Variants in UGT2B17 observed in about 807,000 individuals in gnomAD.
UGT2B17 encodes UDP glucuronosyltransferase family 2 member B17, also known as UDP-glucuronosyltransferase 2B17.
Under a neutral mutation model 48.2 loss-of-function variants are expected in UGT2B17, and 21 were observed. The observed-to-expected ratio is 0.44, with a 90% CI of 0.31 to 0.63. The LOEUF (loss-of-function observed/expected upper bound fraction) is 0.63, where lower values mean the gene tolerates loss of function less well. Among genes scored for constraint, UGT2B17 ranks in the 20% least tolerant of loss-of-function variants. The pLI is 0.08. For missense variants in UGT2B17, 402 were observed against 696.1 expected (o/e 0.58, Z 4.75); for synonymous variants, 146 against 238.4 (o/e 0.61, Z 3.57).
chr4:68,575,488 A>T (rs1424753511), intron 1 of UGT2B17, among the ~76,000 whole-genome samples: 2 of 124,946 alleles, frequency 1.6e-5, no homozygotes, highest in Non-Finnish European at 3.4e-5. Flanking sequence ...TCTCTATTAA[A>T]TCCTTTCTTG....
rs757587411 is a variant in UGT2B17 at position 68,567,906 on chromosome 4, G to A, written c.579C>T (p.Ser193=). The change falls in exon 2 of 7, where the codon TCC becomes TCT. Residue 193 remains serine, a synonymous_variant. Coordinates refer to ENST00000317746, the MANE Select transcript of UGT2B17 (RefSeq NM_001077.4). Reference sequence around the variant, plus strand: ...ATTCTGACATAACAACAGGTACATAGGAAGGAGGGAACAGAAATCCTCCAC... The same window carrying A: ...ATTCTGACATAACAACAGGTACATAAGAAGGAGGGAACAGAAATCCTCCAC... ...KNGGGFLFPP[S]YVPVVMSELS... is the part of the protein sequence containing the mutation. 3 of 1,379,766 alleles carry A rather than the reference G, an allele frequency of 2.2e-6. 1 individual carries two copies. The highest frequency in any genetic ancestry group is 1.6e-5 in the South Asian group (1 of 61,924). The allele number at this position is 1,379,766 out of a possible 1,614,324, so 85.5% of individuals were successfully genotyped here. A position where few individuals can be genotyped will look rare whatever the true frequency, so the allele number is the denominator to read the frequency against.
chr4:68,575,605 G>T (rs1405241785), intron 1 of UGT2B17, among the ~76,000 whole-genome samples: 1 of 125,392 alleles, frequency 8.0e-6, no homozygotes, highest in Non-Finnish European at 1.7e-5. Context: ...ACAAAACAAA[G>T]AACGGGTAAA....
rs1357115657 is a variant in UGT2B17, at chr4:68,558,038, A to G, written c.1005+2499T>C. ...CTTGCCTCAGCTTTAAAAAAGTCCT[A>G]TCTGAGATTCTTTCTATAAGACAAA... On this transcript the variant is annotated intron_variant, in intron 4 of 6. Transcript: ENST00000317746. 1.6e-5 allele frequency among the ~76,000 whole-genome samples: 2 copies of G among 124,388 alleles called. 1 individual carries two copies. The highest frequency in any genetic ancestry group is 3.4e-5 in the Non-Finnish European group (2 of 58,840). The allele number at this position is 124,388 out of a possible 152,430, so 81.6% of individuals were successfully genotyped here.
At chr4:68,553,214 T>G (rs1730946764) in intron 4 of UGT2B17, among the ~76,000 whole-genome samples, 1 of 125,988 alleles carries the variant, frequency 7.9e-6, no homozygotes, top group South Asian at 3.7e-4. Context: ...AATTCCAAAT[T>G]GTGGGTAACA....
At chr4:68,566,139 T>A (rs1416961200) in intron 2 of UGT2B17, among the ~76,000 whole-genome samples, 2 of 118,880 alleles carry the variant, frequency 1.7e-5, no homozygotes, top group Non-Finnish European at 3.4e-5. Flanking sequence ...TAATATTTAA[T>A]AGTTTTAATT....
In UGT2B17 at chr4:68,538,615, ATCTTCTG is replaced by A. The variant is rs1730599376; in HGVS notation, c.1314-718_1314-712del. ...AACTAGTTTCTCAGCTTCTACTCTA[ATCTTCTG>A]TCTTCTACCGTATTTTCCTACTAGT... is the stretch of plus-strand genomic sequence containing the variant. On this transcript the variant is annotated intron_variant, in intron 6 of 6. Transcript: ENST00000317746. 1.6e-5 allele frequency among the ~76,000 whole-genome samples: 2 copies of A among 125,922 alleles called. 1 individual carries two copies. The highest frequency in any genetic ancestry group is 3.4e-5 in the Non-Finnish European group (2 of 59,492). 82.6% of individuals were successfully genotyped at this position (125,922 alleles called of 152,430 possible). A position where few individuals can be genotyped will look rare whatever the true frequency, so the allele number is the denominator to read the frequency against.
intron 6 of UGT2B17, among the ~76,000 whole-genome samples, chr4:68,550,413 T>A (rs1337206387): frequency 8.0e-6 from 1 of 125,734 alleles, no homozygotes; most frequent in Non-Finnish European, 1.7e-5. Flanking sequence ...TATTCTATCA[T>A]TAAAAATATT....
chr4:68,559,110 C>T (rs185211160), intron 4 of UGT2B17, among the ~76,000 whole-genome samples: 1,564 of 124,850 alleles, frequency 0.013, 309 homozygotes, highest in African/African-American at 0.04. Flanking sequence ...CTGTAACCTT[C>T]CAAATTTAAT....
At position 68,553,380 on chromosome 4, in the gene UGT2B17, T is replaced by C. The variant is rs146476700; in HGVS notation, c.1006-1469A>G. ...TTCCTCCACCCTATACCTCCTTTTG[T>C]CTTTTGCCATTTGTAGTACCAAAAA... On this transcript the variant is annotated intron_variant, in intron 4 of 6. Transcript: ENST00000317746. 5.9e-3 allele frequency among the ~76,000 whole-genome samples: 745 copies of C among 126,264 alleles called. 141 individuals carry two copies. The highest frequency in any genetic ancestry group is 0.02 in the African/African-American group (714 of 36,520). 82.8% of individuals were successfully genotyped at this position (126,264 alleles called of 152,430 possible).
intron 3 of UGT2B17, 145 bp downstream of exon 3, chr4:68,565,427 T>C (rs187211515): frequency 0.018 from 13,213 of 740,954 alleles, 1,718 homozygotes; most frequent in South Asian, 0.024. Flanking sequence ...TGTGATAGTA[T>C]AGAAATATAT....
At position 68,554,213 on chromosome 4, in the gene UGT2B17, C is replaced by A. The variant is rs1266114456; in HGVS notation, c.1006-2302G>T. 4.0e-5 allele frequency among the ~76,000 whole-genome samples: 5 copies of A among 123,800 alleles called. 2 individuals are homozygous for A. Among genetic ancestry groups the A allele is most frequent in the Non-Finnish European group, 8.5e-5 (5 of 58,770 alleles). 81.2% of individuals were successfully genotyped at this position (123,800 alleles called of 152,430 possible). A position where few individuals can be genotyped will look rare whatever the true frequency, so the allele number is the denominator to read the frequency against. On this transcript the variant is annotated intron_variant, in intron 4 of 6. Transcript: ENST00000317746. ...TGATTCACCACACATAAACCCTAGG[C>A]CACAGCTCAGTTCCTCCTTTTAGGA...
chr4:68,538,184 T>A (rs1450286132), intron 6 of UGT2B17, among the ~76,000 whole-genome samples: 1 of 125,666 alleles, frequency 8.0e-6, no homozygotes, highest in East Asian at 7.5e-4. Flanking sequence ...CCATTCTAAG[T>A]GCTATAAGTA....
Position 68,565,568 on chromosome 4 carries a change from T to A in UGT2B17, c.873+4A>T, listed in dbSNP as rs1205949878. ...GCAAACAAATGAAACAAGAATATGTTCACCTTAGGCAAGGGTTTGGCTGGT... is the reference window on the plus strand; with the variant it reads ...GCAAACAAATGAAACAAGAATATGTACACCTTAGGCAAGGGTTTGGCTGGT... On this transcript the variant is annotated splice_donor_region_variant and intron_variant, in intron 3 of 6. Coordinates refer to ENST00000317746, the MANE Select transcript of UGT2B17 (RefSeq NM_001077.4). 1.2e-5 allele frequency: 17 copies of A among 1,365,316 alleles called. 3 individuals carry two copies. The highest frequency in any genetic ancestry group is 1.6e-5 in the Non-Finnish European group (17 of 1,048,402). The allele number at this position is 1,365,316 out of a possible 1,614,324, so 84.6% of individuals were successfully genotyped here. A position where few individuals can be genotyped will look rare whatever the true frequency, so the allele number is the denominator to read the frequency against.
intron 3 of UGT2B17, among the ~76,000 whole-genome samples, chr4:68,564,950 G>T (rs758993987): frequency 8.0e-6 from 1 of 125,038 alleles, no homozygotes; most frequent in Non-Finnish European, 1.7e-5. Flanking sequence ...CCAAGCAATC[G>T]TCCCTTCTCT....
Position 68,539,118 on chromosome 4 carries a change from G to A in UGT2B17, c.1314-1214C>T, listed in dbSNP as rs1466225633. ...AAAAGTTTAAGTATGAAATACATAGGATAAATGTATATACGCTATGTGACT... is the reference window on the plus strand; with the variant it reads ...AAAAGTTTAAGTATGAAATACATAGAATAAATGTATATACGCTATGTGACT... On this transcript the variant is annotated intron_variant, in intron 6 of 6. Transcript: ENST00000317746. Among the ~76,000 whole-genome samples the A allele has an allele frequency of 4.8e-5, 6 of 125,414 alleles. 1 individual carries two copies. Among genetic ancestry groups the A allele is most frequent in the Non-Finnish European group, 8.4e-5 (5 of 59,364 alleles). The allele number at this position is 125,414 out of a possible 152,430, so 82.3% of individuals were successfully genotyped here.
At chr4:68,540,465 AG>A (rs1730635288) in intron 6 of UGT2B17, among the ~76,000 whole-genome samples, 1 of 125,762 alleles carries the variant, frequency 8.0e-6, no homozygotes, top group African/African-American at 2.7e-5. Flanking sequence ...CTGGGACTAC[AG>A]GTGCACACCA....
chr4:68,572,059 G>A (rs1731303759), intron 1 of UGT2B17, among the ~76,000 whole-genome samples: 1 of 126,052 alleles, frequency 7.9e-6, no homozygotes, highest in African/African-American at 2.7e-5. Context: ...CCTTTTTGGA[G>A]TCAAACACGA....
Position 68,573,385 on chromosome 4 carries a change from T to A in UGT2B17, c.-65+2566A>T, listed in dbSNP as rs1265421292. ...CCGACATGAGTTTTTTTTTTTTTTTTAACTCATGAAAAGCTCTTTGCTGTT... is the reference window on the plus strand; with the variant it reads ...CCGACATGAGTTTTTTTTTTTTTTTAAACTCATGAAAAGCTCTTTGCTGTT... On this transcript the variant is annotated intron_variant, in intron 1 of 6. Coordinates refer to ENST00000317746, the MANE Select transcript of UGT2B17 (RefSeq NM_001077.4). 6.4e-5 allele frequency among the ~76,000 whole-genome samples: 8 copies of A among 125,180 alleles called. 3 individuals are homozygous for A. Among genetic ancestry groups the A allele is most frequent in the East Asian group, 1.5e-3 (2 of 1,320 alleles). 82.1% of individuals were successfully genotyped at this position (125,180 alleles called of 152,430 possible).
chr4:68,542,292 C>T (rs886197263), intron 6 of UGT2B17, among the ~76,000 whole-genome samples: 7 of 126,298 alleles, frequency 5.5e-5, no homozygotes, highest in Admixed American at 1.6e-4. Context: ...AGTTTGACAT[C>T]AGGTAGCGTG....
Sources: allele counts gnomAD v4.1 joint callset (sites outside exome capture counted in the v4.1 genomes callset), GRCh38; gene constraint gnomAD v4.1.1; transcripts MANE v1.5; gene names NCBI Gene and HGNC (gene_info 2026-07-23, HGNC 2026-07-21).